EDIL3: variants seen among roughly 807,000 people sequenced by gnomAD.
EDIL3 encodes EGF-like repeat and discoidin I-like domain-containing protein 3.
Under a neutral mutation model 67.4 loss-of-function variants are expected in EDIL3, and 37 were observed. That is an observed-to-expected ratio of 0.55 (90% CI 0.42 to 0.72). EDIL3 has a LOEUF of 0.72. EDIL3 is among the 30% of genes least tolerant of loss of function. The probability of loss-of-function intolerance (pLI) is 0.00; values close to 1 mark genes in which losing one functional copy is unlikely to be tolerated. For synonymous variants in EDIL3, 195 were observed against 196.3 expected (o/e 0.99, Z 0.05); for missense variants, 527 against 586.3 (o/e 0.90, Z 1.04).
At chr5:84,101,496 A>T (rs1747365269) in intron 6 of EDIL3, among the ~76,000 whole-genome samples, 3 of 152,204 alleles carry the variant, frequency 2.0e-5, no homozygotes, top group South Asian at 2.1e-4. Context: ...CACAATTAGA[A>T]ATGACAAAAG....
intron 1 of EDIL3, among the ~76,000 whole-genome samples, chr5:84,349,197 T>C (rs1434945211): frequency 6.6e-6 from 1 of 152,196 alleles, no homozygotes; most frequent in Non-Finnish European, 1.5e-5. Context: ...CAAGCAGGCT[T>C]CTTGAGGCAA....
At chr5:84,208,523 CA>C (rs1215134727) in intron 3 of EDIL3, among the ~76,000 whole-genome samples, 1 of 150,902 alleles carries the variant, frequency 6.6e-6, no homozygotes, top group Non-Finnish European at 1.5e-5. Flanking sequence ...ACCAAAAATA[CA>C]AAAAATTAGC....
chr5:84,210,968 A>G (rs1580379016), intron 3 of EDIL3, among the ~76,000 whole-genome samples: 1 of 152,314 alleles, frequency 6.6e-6, no homozygotes, highest in Middle Eastern at 3.4e-3. Context: ...TACTGTCACT[A>G]TTGTAGTAGG....
At chr5:84,048,520 T>C (rs150578244) in intron 9 of EDIL3, among the ~76,000 whole-genome samples, 13 of 152,160 alleles carry the variant, frequency 8.5e-5, no homozygotes, top group African/African-American at 2.9e-4. Flanking sequence ...AACAACTCTA[T>C]TAATTCTACT....
intron 5 of EDIL3, among the ~76,000 whole-genome samples, chr5:84,131,258 T>C (rs1217133405): frequency 6.6e-6 from 1 of 152,174 alleles, no homozygotes; most frequent in Non-Finnish European, 1.5e-5. Context: ...CATCAAAAGA[T>C]AGTATCAATT....
At chr5:84,133,681 T>G (rs1057123333) in intron 5 of EDIL3, among the ~76,000 whole-genome samples, 2 of 151,794 alleles carry the variant, frequency 1.3e-5, no homozygotes, top group Non-Finnish European at 2.9e-5. Flanking sequence ...AGGACTTTAA[T>G]TAGAAGAATT....
chr5:84,172,803 T>G (rs893837229), intron 4 of EDIL3, among the ~76,000 whole-genome samples: 7 of 152,008 alleles, frequency 4.6e-5, no homozygotes, highest in African/African-American at 1.7e-4. Flanking sequence ...CCAACAACAA[T>G]GATAAGCTAA....
chr5:84,255,970 G>A (rs1745114869), intron 1 of EDIL3, among the ~76,000 whole-genome samples: 1 of 152,164 alleles, frequency 6.6e-6, no homozygotes, highest in African/African-American at 2.4e-5. Context: ...CAATGAGAGA[G>A]TGTCTAACAT....
intron 5 of EDIL3, among the ~76,000 whole-genome samples, chr5:84,132,078 C>CT (rs1747976093): frequency 6.7e-6 from 1 of 148,442 alleles, no homozygotes; most frequent in African/African-American, 2.5e-5. Flanking sequence ...ACTAAAAATA[C>CT]AAAAAAAATA....
chr5:84,253,412 T>C (rs1745071076), intron 2 of EDIL3, among the ~76,000 whole-genome samples: 1 of 152,212 alleles, frequency 6.6e-6, no homozygotes, highest in Non-Finnish European at 1.5e-5. Context: ...TGCACAAGTT[T>C]ACATGGTGTT....
intron 1 of EDIL3, among the ~76,000 whole-genome samples, chr5:84,371,450 TAG>T (rs142715442): frequency 0.36 from 36,827 of 102,974 alleles, 5,180 homozygotes; most frequent in African/African-American, 0.47. Flanking sequence ...TATATATATA[TAG>T]AGAGAGAGAG....
chr5:84,366,825 A>G (rs566265046), intron 1 of EDIL3, among the ~76,000 whole-genome samples: 91 of 152,308 alleles, frequency 6.0e-4, no homozygotes, highest in Non-Finnish European at 1.1e-3. Context: ...TTCAGAGAAG[A>G]AAAGCTCCCC....
chr5:84,144,480 T>A (rs1748258582), intron 4 of EDIL3, among the ~76,000 whole-genome samples: 1 of 152,072 alleles, frequency 6.6e-6, no homozygotes, highest in Non-Finnish European at 1.5e-5. Flanking sequence ...GCACAGACTC[T>A]CAAAGGAACT....
intron 4 of EDIL3, among the ~76,000 whole-genome samples, chr5:84,173,900 C>T (rs1457563185): frequency 6.6e-6 from 1 of 152,106 alleles, no homozygotes; most frequent in Admixed American, 6.6e-5. Context: ...TGCCAAGGTC[C>T]CAGCAATGAA....
intron 1 of EDIL3, among the ~76,000 whole-genome samples, chr5:84,340,534 CTATATATA>C (rs776456328): frequency 0.021 from 1,151 of 54,078 alleles, 22 homozygotes; most frequent in Non-Finnish European, 0.025. Flanking sequence ...CTCTCTCTCT[CTATATATA>C]TATATATATA....
chr5:84,143,367 T>C (rs931403893), intron 4 of EDIL3, among the ~76,000 whole-genome samples: 1 of 152,082 alleles, frequency 6.6e-6, no homozygotes, highest in African/African-American at 2.4e-5. Flanking sequence ...ACAAACCTTT[T>C]ATAATAATTT....
chr5:84,243,386 C>T (rs1185020879), intron 2 of EDIL3, among the ~76,000 whole-genome samples: 4 of 152,142 alleles, frequency 2.6e-5, no homozygotes, highest in African/African-American at 9.7e-5. Flanking sequence ...GTGATGCACT[C>T]CAATTTATCT....
At chr5:84,272,573 T>C (rs1256488336) in intron 1 of EDIL3, among the ~76,000 whole-genome samples, 2 of 151,928 alleles carry the variant, frequency 1.3e-5, no homozygotes, top group East Asian at 3.9e-4. Flanking sequence ...AAAATAAACA[T>C]GAGGTTGGCC....
At chr5:84,037,050 A>G (rs1462873437) in intron 9 of EDIL3, among the ~76,000 whole-genome samples, 1 of 152,148 alleles carries the variant, frequency 6.6e-6, no homozygotes, top group African/African-American at 2.4e-5. Context: ...AAGGGTACCC[A>G]GCTGAGAGGA....
Sources: gnomAD v4.1 joint callset for allele counts (sites outside exome capture counted in the v4.1 genomes callset) on GRCh38, gnomAD v4.1.1 for gene constraint, MANE v1.5 for transcripts, NCBI Gene and HGNC (gene_info 2026-07-23, HGNC 2026-07-21) for gene names.